Variants in TTLL9 observed in about 807,000 individuals in gnomAD.
TTLL9 encodes the protein tubulin tyrosine ligase like 9.
TTLL9 carries 47 observed loss-of-function variants against 65.6 expected under a neutral mutation model. The observed-to-expected ratio is 0.72, with a 90% CI of 0.57 to 0.91. TTLL9 has a LOEUF of 0.91. Ranked by LOEUF, TTLL9 falls within the 40% of genes least tolerant of loss-of-function variation. The probability of loss-of-function intolerance (pLI) is 0.00; values close to 1 mark genes in which losing one functional copy is unlikely to be tolerated. For missense variants in TTLL9, 537 were observed against 568.8 expected, an observed-to-expected ratio of 0.94 and a Z score of 0.57; for synonymous variants, 179 against 204.8, an observed-to-expected ratio of 0.87 and a Z score of 1.07.
intron 2 of TTLL9, among the ~76,000 whole-genome samples, chr20:31,881,629 A>G (rs1322273646): frequency 7.3e-6 from 1 of 136,690 alleles, no homozygotes; most frequent in African/African-American, 2.8e-5. Flanking sequence ...TTTTGGAGAC[A>G]GTGTCTCATT....
intron 3 of TTLL9, among the ~76,000 whole-genome samples, chr20:31,897,907 T>G (rs527688659): frequency 5.3e-5 from 8 of 152,332 alleles, no homozygotes; most frequent in Non-Finnish European, 1.2e-4. Flanking sequence ...GGTGCTTTTG[T>G]CGAAGCTTTT....
intron 9 of TTLL9, 110 bp downstream of exon 9, chr20:31,925,159 A>C (rs762260676): frequency 7.7e-5 from 92 of 1,195,698 alleles, no homozygotes; most frequent in Non-Finnish European, 9.7e-5. Flanking sequence ...GTCTGGTTTT[A>C]TCTCTCCCTG....
At chr20:31,894,098 C>CTTTTTT (rs1162101774) in intron 3 of TTLL9, among the ~76,000 whole-genome samples, 12 of 92,086 alleles carry the variant, frequency 1.3e-4, no homozygotes, top group African/African-American at 1.7e-4. Flanking sequence ...CCATTTGGTT[C>CTTTTTT]TTTTTTTTTT....
Position 31,873,841 on chromosome 20 carries a change from A to G in TTLL9, c.69+2646A>G, listed in dbSNP as rs201238323. 4.7e-3 allele frequency among the ~76,000 whole-genome samples: 607 copies of G among 130,194 alleles called. 1 individual carries two copies. The highest frequency in any genetic ancestry group is 8.1e-3 in the Middle Eastern group (2 of 246). The allele number at this position is 130,194 out of a possible 152,430, so 85.4% of individuals were successfully genotyped here. On this transcript the variant is annotated intron_variant, in intron 2 of 14. Transcript: ENST00000535842. ...GGAAGGAAGAAAGAAAGAAAGAAAG[A>G]AAGAAAGAAAGAAAGAAAGAAAGAA...
intron 4 of TTLL9, among the ~76,000 whole-genome samples, chr20:31,907,886 T>C (rs2063582584): frequency 6.6e-6 from 1 of 152,174 alleles, no homozygotes; most frequent in Non-Finnish European, 1.5e-5. Context: ...TGAACAATCA[T>C]GATAGTGTTT....
intron 13 of TTLL9, 24 bp from the exon 14 acceptor site, chr20:31,939,110 TCATTAACC>T: frequency 6.5e-7 from 1 of 1,539,288 alleles, no homozygotes; most frequent in Non-Finnish European, 8.7e-7. Flanking sequence ...AGGTGCACCT[TCATTAACC>T]CTGTGGGCCT....
intron 2 of TTLL9, chr20:31,883,913 C>T: frequency 2.4e-6 from 1 of 410,392 alleles, no homozygotes; most frequent in Non-Finnish European, 4.5e-6. Context: ...CACTTTTAGT[C>T]AACTTTGTAC....
At chr20:31,906,699 G>A (rs879476809) in intron 4 of TTLL9, among the ~76,000 whole-genome samples, 24 of 151,986 alleles carry the variant, frequency 1.6e-4, no homozygotes, top group African/African-American at 5.8e-4. Context: ...ACACACGCTG[G>A]AGTGCAGTGG....
chr20:31,903,376 A>G (rs1011935153), intron 4 of TTLL9, among the ~76,000 whole-genome samples: 4 of 152,200 alleles, frequency 2.6e-5, no homozygotes, highest in Non-Finnish European at 5.9e-5. Flanking sequence ...TTATAAGGGT[A>G]TTCTTATATA....
intron 4 of TTLL9, among the ~76,000 whole-genome samples, chr20:31,906,282 A>G (rs2063558330): frequency 1.3e-5 from 2 of 152,314 alleles, no homozygotes; most frequent in South Asian, 2.1e-4. Flanking sequence ...TCTGGAGGTC[A>G]CCTGGTGGCA....
At chr20:31,914,097 C>T (rs1387780677) in intron 6 of TTLL9, among the ~76,000 whole-genome samples, 1 of 152,212 alleles carries the variant, frequency 6.6e-6, no homozygotes, top group Non-Finnish European at 1.5e-5. Context: ...CTGTTCTCAG[C>T]CTTGGGGGCC....
At chr20:31,917,589 A>G (rs1444799656) in intron 6 of TTLL9, among the ~76,000 whole-genome samples, 1 of 152,238 alleles carries the variant, frequency 6.6e-6, no homozygotes, top group Non-Finnish European at 1.5e-5. Context: ...GTTCAGCTTT[A>G]GCAGATGCTG....
intron 4 of TTLL9, among the ~76,000 whole-genome samples, 156 bp from the exon 5 acceptor site, chr20:31,908,435 G>A (rs1022378089): frequency 7.2e-5 from 11 of 152,178 alleles, no homozygotes; most frequent in Admixed American, 5.9e-4. Flanking sequence ...CAAAGCACAT[G>A]TAGGCCAGTG....
chr20:31,898,953 C>A (rs776511501), intron 4 of TTLL9, among the ~76,000 whole-genome samples: 7 of 152,248 alleles, frequency 4.6e-5, no homozygotes, highest in Non-Finnish European at 8.8e-5. Flanking sequence ...CTGCTCTTCC[C>A]TGGCCACTTG....
intron 6 of TTLL9, among the ~76,000 whole-genome samples, chr20:31,918,841 T>C (rs2063775040): frequency 1.3e-5 from 2 of 152,210 alleles, no homozygotes; most frequent in South Asian, 2.1e-4. Flanking sequence ...CAGTGCTCCA[T>C]AGAGTTTTTG....
At chr20:31,899,716 G>C (rs367811622) in intron 4 of TTLL9, among the ~76,000 whole-genome samples, 1 of 151,622 alleles carries the variant, frequency 6.6e-6, no homozygotes, top group African/African-American at 2.4e-5. Context: ...CAGCTTACTG[G>C]CCAGACCTTA....
intron 6 of TTLL9, among the ~76,000 whole-genome samples, chr20:31,918,093 G>A (rs1183521966): frequency 1.3e-5 from 2 of 152,042 alleles, no homozygotes; most frequent in Non-Finnish European, 2.9e-5. Flanking sequence ...TTTTACTGGG[G>A]CCCATTGTAT....
At chr20:31,894,144 C>T (rs1468198666) in intron 3 of TTLL9, among the ~76,000 whole-genome samples, 3 of 132,890 alleles carry the variant, frequency 2.3e-5, no homozygotes. Context: ...TGCTCTGTCA[C>T]ACAGGCTGGA....
At chr20:31,886,270 C>T (rs1471733214) in intron 2 of TTLL9, among the ~76,000 whole-genome samples, 1 of 152,226 alleles carries the variant, frequency 6.6e-6, no homozygotes, top group African/African-American at 2.4e-5. Flanking sequence ...ATGCAGATGG[C>T]AGGTCTGTCC....
Sources: gnomAD v4.1 joint callset for allele counts (sites outside exome capture counted in the v4.1 genomes callset) on GRCh38, gnomAD v4.1.1 for gene constraint, MANE v1.5 for transcripts, NCBI Gene and HGNC (gene_info 2026-07-23, HGNC 2026-07-21) for gene names.